The following REDIC1 variants were observed in gnomAD, a reference collection of about 807,000 sequenced individuals.
REDIC1 encodes the protein HEI10 Interacting Protein 1.
chr12:39,653,538 T>TCTTTTTCTTCTTCTTC, the REDIC1 span, among the ~76,000 whole-genome samples: 3 of 66,616 alleles, frequency 4.5e-5, no homozygotes, highest in Admixed American at 1.6e-4. Flanking sequence ...TTCTTCTTCT[T>TCTTTTTCTTCTTCTTC]TTTCTTCTTC....
the REDIC1 span, among the ~76,000 whole-genome samples, chr12:39,712,364 A>ATG: frequency 4.6e-3 from 636 of 137,518 alleles, 29 homozygotes; most frequent in African/African-American, 0.016. Flanking sequence ...ATACATACAT[A>ATG]CATATGTATA....
At chr12:39,820,775 A>C in the REDIC1 span, among the ~76,000 whole-genome samples, 61 of 50,364 alleles carry the variant, frequency 1.2e-3, no homozygotes, top group Non-Finnish European at 2.0e-3. Context: ...ATATATATAT[A>C]TAAAGCAACA....
the REDIC1 span, among the ~76,000 whole-genome samples, chr12:39,654,596 A>G: frequency 6.6e-6 from 1 of 151,944 alleles, no homozygotes; most frequent in Non-Finnish European, 1.5e-5. Flanking sequence ...TTAAAAAAAA[A>G]AAAAACTGCT....
At chr12:39,718,506 G>A in the REDIC1 span, among the ~76,000 whole-genome samples, 1 of 152,086 alleles carries the variant, frequency 6.6e-6, no homozygotes, top group Non-Finnish European at 1.5e-5. Flanking sequence ...GGCAATTGGT[G>A]TTTATCCTTC....
the REDIC1 span, among the ~76,000 whole-genome samples, chr12:39,787,694 A>G: frequency 0.015 from 2,285 of 152,286 alleles, 58 homozygotes; most frequent in African/African-American, 0.05. Context: ...AAATTTTAGC[A>G]TGCAAATGAA....
chr12:39,882,939 T>C, the REDIC1 span, among the ~76,000 whole-genome samples: 1 of 152,220 alleles, frequency 6.6e-6, no homozygotes, highest in East Asian at 1.9e-4. Flanking sequence ...GAATAGTCTA[T>C]GTGTGTTTCA....
the REDIC1 span, among the ~76,000 whole-genome samples, chr12:39,707,642 T>G: frequency 6.6e-6 from 1 of 151,926 alleles, no homozygotes; most frequent in African/African-American, 2.4e-5. Flanking sequence ...CTAAACAAAA[T>G]GTGTTAATTA....
chr12:39,728,846 T>G, the REDIC1 span, among the ~76,000 whole-genome samples: 3 of 151,106 alleles, frequency 2.0e-5, no homozygotes, highest in Non-Finnish European at 2.9e-5. Context: ...AACTTGTTAT[T>G]GGTGTATTCA....
the REDIC1 span, among the ~76,000 whole-genome samples, chr12:39,839,033 CCTT>C: frequency 6.6e-6 from 1 of 152,068 alleles, no homozygotes; most frequent in East Asian, 1.9e-4. Flanking sequence ...CTCACTCACT[CCTT>C]CTTTATGCAT....
At chr12:39,701,064 A>G in the REDIC1 span, among the ~76,000 whole-genome samples, 2 of 151,292 alleles carry the variant, frequency 1.3e-5, no homozygotes, top group African/African-American at 2.4e-5. Flanking sequence ...TCATAATGAC[A>G]GGATCAAATT....
chr12:39,791,058 GAT>G, the REDIC1 span, among the ~76,000 whole-genome samples: 1 of 136,904 alleles, frequency 7.3e-6, no homozygotes, highest in African/African-American at 2.7e-5. Flanking sequence ...CCCACTTTTT[GAT>G]GGGGTTGTTT....
the REDIC1 span, among the ~76,000 whole-genome samples, chr12:39,896,628 CAT>C: frequency 6.6e-6 from 1 of 151,066 alleles, no homozygotes; most frequent in African/African-American, 2.4e-5. Context: ...ATGTAAATTA[CAT>C]ATAACTTCTG....
the REDIC1 span, among the ~76,000 whole-genome samples, chr12:39,903,313 T>A: frequency 6.6e-6 from 1 of 152,118 alleles, no homozygotes; most frequent in African/African-American, 2.4e-5. Context: ...ATCTGACAGA[T>A]TAGCTATTTC....
At chr12:39,906,526 A>C in the REDIC1 span, among the ~76,000 whole-genome samples, 1 of 152,152 alleles carries the variant, frequency 6.6e-6, no homozygotes, top group Non-Finnish European at 1.5e-5. Flanking sequence ...AACAGTTTCA[A>C]CTTGAAAGAA....
At chr12:39,774,266 A>T in the REDIC1 span, among the ~76,000 whole-genome samples, 1 of 152,168 alleles carries the variant, frequency 6.6e-6, no homozygotes, top group African/African-American at 2.4e-5. Context: ...GAGATTTAGG[A>T]TGGTGTAAAT....
the REDIC1 span, among the ~76,000 whole-genome samples, chr12:39,674,527 C>T: frequency 6.6e-6 from 1 of 152,182 alleles, no homozygotes; most frequent in Non-Finnish European, 1.5e-5. Flanking sequence ...AAAGATGTGG[C>T]TTGCTCTGCA....
At chr12:39,630,465 C>A in the REDIC1 span, among the ~76,000 whole-genome samples, 9 of 152,150 alleles carry the variant, frequency 5.9e-5, no homozygotes. Context: ...AGACCTAGTT[C>A]ATCTAAGCAA....
At chr12:39,665,867 CTGTT>C in the REDIC1 span, among the ~76,000 whole-genome samples, 2 of 151,778 alleles carry the variant, frequency 1.3e-5, no homozygotes, top group African/African-American at 4.8e-5. Flanking sequence ...TGATTTGGCT[CTGTT>C]TGTCTGTTAT....
At chr12:39,898,832 T>A in the REDIC1 span, among the ~76,000 whole-genome samples, 1 of 152,142 alleles carries the variant, frequency 6.6e-6, no homozygotes, top group Non-Finnish European at 1.5e-5. Flanking sequence ...ACTTCACACA[T>A]TTTGGATGTT....
Sources: gnomAD v4.1 joint callset for allele counts (sites outside exome capture counted in the v4.1 genomes callset) on GRCh38, gnomAD v4.1.1 for gene constraint, MANE v1.5 for transcripts, NCBI Gene and HGNC (gene_info 2026-07-23, HGNC 2026-07-21) for gene names.